The following CDYL2 variants were observed in gnomAD, a reference collection of about 807,000 sequenced individuals.
CDYL2 encodes the protein chromodomain Y like 2, also known as chromodomain Y-like protein 2.
In CDYL2, 23 loss-of-function variants were observed where a neutral mutation model predicts 49.4. That is an observed-to-expected ratio of 0.47 (90% CI 0.34 to 0.66). The LOEUF is 0.66. Ranked by LOEUF, CDYL2 falls within the 30% of genes least tolerant of loss-of-function variation. The probability of loss-of-function intolerance (pLI) is 0.01; values close to 1 mark genes in which losing one functional copy is unlikely to be tolerated. For missense variants in CDYL2, 678 were observed against 656.4 expected (o/e 1.03, Z -0.36); for synonymous variants, 360 against 268.8 (o/e 1.34, Z -3.32).
chr16:80,621,808 T>C (rs375837789), intron 3 of CDYL2, among the ~76,000 whole-genome samples: 1 of 152,094 alleles, frequency 6.6e-6, no homozygotes, highest in Admixed American at 6.5e-5. Flanking sequence ...TGCCCTAGGA[T>C]TTTTAGGTCT....
At chr16:80,766,030 A>G (rs1906712896) in intron 1 of CDYL2, among the ~76,000 whole-genome samples, 1 of 151,956 alleles carries the variant, frequency 6.6e-6, no homozygotes, top group African/African-American at 2.4e-5. Context: ...AGAATACACA[A>G]ATCCATAGAG....
At chr16:80,616,015 C>T (rs1360365716) in intron 4 of CDYL2, among the ~76,000 whole-genome samples, 1 of 152,196 alleles carries the variant, frequency 6.6e-6, no homozygotes, top group Non-Finnish European at 1.5e-5. Flanking sequence ...TCCCCCACAT[C>T]CAAGGCCATC....
chr16:80,744,156 C>CA (rs1460991221), intron 1 of CDYL2, among the ~76,000 whole-genome samples: 2 of 152,134 alleles, frequency 1.3e-5, no homozygotes, highest in Non-Finnish European at 2.9e-5. Flanking sequence ...ACAGAAGCAG[C>CA]AAAAGACTGA....
Position 80,754,964 on chromosome 16 carries a change from T to G in CDYL2, c.24+49186A>C, listed in dbSNP as rs540002715. 3.7e-3 allele frequency among the ~76,000 whole-genome samples: 559 copies of G among 152,206 alleles called. 4 individuals carry two copies. Among genetic ancestry groups the G allele is most frequent in the African/African-American group, 0.013 (526 of 41,530 alleles). On this transcript the variant is annotated intron_variant, in intron 1 of 6. Transcript: ENST00000570137. The stretch of plus-strand genomic sequence containing the variant: ...GGAAATATCATTAGGATTTCACTTC[T>G]GGAACTTGGGCAGTCACCCACCAAC...
intron 3 of CDYL2, among the ~76,000 whole-genome samples, chr16:80,631,800 A>G (rs761743097): frequency 6.6e-5 from 10 of 152,234 alleles, no homozygotes; most frequent in East Asian, 1.9e-4. Flanking sequence ...GCTCAACATG[A>G]CTAGTCATCA....
At chr16:80,644,132 T>G (rs1222091646) in intron 2 of CDYL2, among the ~76,000 whole-genome samples, 2 of 152,206 alleles carry the variant, frequency 1.3e-5, no homozygotes, top group Non-Finnish European at 2.9e-5. Flanking sequence ...ACACACTAAA[T>G]CATCTCTCTC....
chr16:80,662,331 G>T (rs189222737), intron 2 of CDYL2, among the ~76,000 whole-genome samples: 12 of 152,302 alleles, frequency 7.9e-5, no homozygotes, highest in Non-Finnish European at 1.5e-4. Context: ...GGAAGTTAGT[G>T]AGACCAGAGT....
At chr16:80,637,355 A>T (rs1190851643) in intron 2 of CDYL2, among the ~76,000 whole-genome samples, 1 of 152,170 alleles carries the variant, frequency 6.6e-6, no homozygotes, top group African/African-American at 2.4e-5. Context: ...AATAAGAAAA[A>T]GATGTTCTCT....
chr16:80,660,356 T>C (rs41368550), intron 2 of CDYL2, among the ~76,000 whole-genome samples: 3,939 of 151,960 alleles, frequency 0.026, 132 homozygotes, highest in African/African-American at 0.07. Flanking sequence ...CAATGACAAC[T>C]GAAAGCCAAG....
At chr16:80,783,023 T>C (rs2873215) in intron 1 of CDYL2, among the ~76,000 whole-genome samples, 22,298 of 151,896 alleles carry the variant, frequency 0.15, 3,067 homozygotes, top group African/African-American at 0.37. Flanking sequence ...GCTAAGGCAA[T>C]GAAAGAAAAC....
intron 1 of CDYL2, among the ~76,000 whole-genome samples, chr16:80,798,860 A>G (rs1212664967): frequency 6.6e-6 from 1 of 152,210 alleles, no homozygotes; most frequent in Non-Finnish European, 1.5e-5. Context: ...ATCAATATTT[A>G]TAATGGTTTA....
At chr16:80,740,758 G>A (rs575979357) in intron 1 of CDYL2, among the ~76,000 whole-genome samples, 93 of 150,240 alleles carry the variant, frequency 6.2e-4, no homozygotes, top group African/African-American at 2.1e-3. Flanking sequence ...TAAAGGCAAC[G>A]AAAATAGAAA....
chr16:80,723,120 C>T (rs8054119), intron 1 of CDYL2, among the ~76,000 whole-genome samples: 1 of 152,228 alleles, frequency 6.6e-6, no homozygotes, highest in East Asian at 1.9e-4. Flanking sequence ...CCCTGGGCTA[C>T]CCATTTGCTT....
chr16:80,719,379 A>G (rs1330237936), intron 1 of CDYL2, among the ~76,000 whole-genome samples: 1 of 152,190 alleles, frequency 6.6e-6, no homozygotes, highest in Admixed American at 6.5e-5. Context: ...ATGACCCACA[A>G]GTTGCTGTAT....
chr16:80,651,916 G>C (rs1274752882), intron 2 of CDYL2, among the ~76,000 whole-genome samples: 3 of 152,168 alleles, frequency 2.0e-5, no homozygotes, highest in Non-Finnish European at 2.9e-5. Flanking sequence ...TTTCACTGTG[G>C]GAGTTGGAGT....
intron 2 of CDYL2, among the ~76,000 whole-genome samples, chr16:80,667,198 A>G (rs1038079234): frequency 5.9e-5 from 9 of 152,200 alleles, no homozygotes; most frequent in Admixed American, 2.0e-4. Flanking sequence ...AGAGGGAGTC[A>G]CACATGCAGA....
At chr16:80,635,254 G>C (rs549739242) in intron 2 of CDYL2, among the ~76,000 whole-genome samples, 5 of 152,164 alleles carry the variant, frequency 3.3e-5, no homozygotes, top group South Asian at 2.1e-4. Context: ...AAATCCAATA[G>C]AAAGGGACTT....
At chr16:80,634,080 CAA>C (rs542771969) in intron 2 of CDYL2, among the ~76,000 whole-genome samples, 15 of 129,270 alleles carry the variant, frequency 1.2e-4, no homozygotes, top group Admixed American at 3.2e-4. Context: ...TACCTCCGTC[CAA>C]AAAAAAAAAA....
intron 2 of CDYL2, among the ~76,000 whole-genome samples, chr16:80,664,110 T>G (rs776282826): frequency 3.3e-5 from 5 of 152,162 alleles, no homozygotes; most frequent in Non-Finnish European, 7.3e-5. Context: ...AAATTCATTT[T>G]TATCACCTTT....
Sources: gnomAD v4.1 joint callset for allele counts (sites outside exome capture counted in the v4.1 genomes callset) on GRCh38, gnomAD v4.1.1 for gene constraint, MANE v1.5 for transcripts, NCBI Gene and HGNC (gene_info 2026-07-23, HGNC 2026-07-21) for gene names.